PPIL4: variants seen among roughly 807,000 people sequenced by gnomAD.
PPIL4 encodes the protein peptidyl-prolyl cis-trans isomerase-like 4.
A neutral mutation model predicts 69.1 loss-of-function variants in PPIL4; 50 were observed. The ratio of observed to expected loss-of-function variants is 0.72; its 90% CI spans 0.58 to 0.92. The LOEUF is 0.92. PPIL4 is among the 40% of genes least tolerant of loss of function. The pLI is 0.00. For synonymous variants in PPIL4, 193 were observed against 191.6 expected (o/e 1.01, Z -0.06); for missense variants, 480 against 587.9 (o/e 0.82, Z 1.90).
chr6:149,535,823 T>C (rs1012171427), intron 4 of PPIL4, 85 bp from the exon 5 acceptor site: 13 of 935,360 alleles, frequency 1.4e-5, no homozygotes, highest in East Asian at 7.6e-5. Flanking sequence ...AAAAAATACA[T>C]GAAAGTTAAG....
At chr6:149,507,538 TTTCTGTATTGG>T (rs201543229) in intron 12 of PPIL4, among the ~76,000 whole-genome samples, 4,098 of 152,340 alleles carry the variant, frequency 0.027, 160 homozygotes, top group African/African-American at 0.092. Context: ...CTTGTACTTA[TTTCTGTATTGG>T]TTGAGACAAA....
At chr6:149,520,070 T>A (rs1777006772) in intron 10 of PPIL4, among the ~76,000 whole-genome samples, 1 of 152,140 alleles carries the variant, frequency 6.6e-6, no homozygotes, top group Admixed American at 6.5e-5. Flanking sequence ...AGAGTAAAAA[T>A]TTAGAAAACC....
intron 1 of PPIL4, among the ~76,000 whole-genome samples, chr6:149,544,323 C>A (rs1430923763): frequency 6.6e-6 from 1 of 152,178 alleles, no homozygotes; most frequent in Admixed American, 6.5e-5. Context: ...TTTGTTTATG[C>A]CAGTTTGAGT....
chr6:149,534,567 A>T, intron 6 of PPIL4, 111 bp downstream of exon 6: 1 of 596,062 alleles, frequency 1.7e-6, no homozygotes, highest in Non-Finnish European at 2.9e-6. Flanking sequence ...TGTTGAATAT[A>T]ATTAAGCAAG....
chr6:149,531,531 CA>C (rs113611329), intron 7 of PPIL4, among the ~76,000 whole-genome samples: 2,562 of 135,376 alleles, frequency 0.019, 25 homozygotes, highest in Non-Finnish European at 0.029. Flanking sequence ...AACTCCGTCT[CA>C]AAAAAAAAAA....
intron 8 of PPIL4, among the ~76,000 whole-genome samples, chr6:149,526,157 T>G (rs1459390729): frequency 2.0e-5 from 3 of 151,962 alleles, no homozygotes; most frequent in African/African-American, 4.8e-5. Flanking sequence ...AAGGAAACCC[T>G]AAATATAATA....
At chr6:149,538,989 G>A (rs1011828693) in intron 4 of PPIL4, among the ~76,000 whole-genome samples, 7 of 152,126 alleles carry the variant, frequency 4.6e-5, no homozygotes, top group African/African-American at 1.7e-4. Flanking sequence ...TGGGACTACT[G>A]GCGCCTGCCA....
chr6:149,505,523 C>T lies in PPIL4; in HGVS notation c.1409G>A (p.Arg470Lys). Residue 470 changes from arginine (R) to lysine (K), a missense_variant, in exon 13 of 13, where the codon AGG becomes AAG. Arg to Lys is a conservative substitution (Grantham distance 26, BLOSUM62 2). Coordinates refer to ENST00000253329, the MANE Select transcript of PPIL4 (RefSeq NM_139126.4). ...TCTGCTTCGGTCTCTCTTTTTACTC[C>T]TTTCTCTTTCATAAAGATCTGTTTG... ...KYQTDLYERERSKKRDRSRSP... is the reference protein window; with the variant it reads ...KYQTDLYEREKSKKRDRSRSP... 6.2e-7 allele frequency: 1 copy of T among 1,613,840 alleles called. No homozygotes were observed. Among genetic ancestry groups the T allele is most frequent in the Non-Finnish European group, 8.5e-7 (1 of 1,179,882 alleles).
intron 7 of PPIL4, among the ~76,000 whole-genome samples, chr6:149,531,147 T>C (rs939813550): frequency 1.3e-5 from 2 of 152,142 alleles, no homozygotes; most frequent in Admixed American, 6.6e-5. Flanking sequence ...GAGGATCGCC[T>C]GAGGTCGGGA....
At position 149,521,131 on chromosome 6, in the gene PPIL4, A is replaced by G; in HGVS notation, c.911T>C (p.Val304Ala). 6.2e-7 allele frequency: 1 copy of G among 1,606,148 alleles called. No homozygotes were observed. The highest frequency in any genetic ancestry group is 1.1e-5 in the South Asian group (1 of 89,692). ...CEKAFFKMDN[V>A]LIDDRRIHVD... ...ATGTATTCTTCTGTCATCTATAAGC[A>G]CATTGTCCATTTTGAAGAATGCTTT... Residue 304 changes from valine to alanine, a missense_variant, in exon 10 of 13, where the codon GTG becomes GCG. Physicochemically the swap from Val to Ala is moderately conservative, Grantham distance 64. Transcript: ENST00000253329.
chr6:149,529,837 G>C (rs1185699368), intron 7 of PPIL4, among the ~76,000 whole-genome samples: 1 of 150,436 alleles, frequency 6.6e-6, no homozygotes, highest in Middle Eastern at 3.2e-3. Context: ...AGGGAAGAAA[G>C]AAAAAAGGCA....
intron 1 of PPIL4, 33 bp downstream of exon 1, chr6:149,545,903 C>G (rs1455894701): frequency 6.4e-7 from 1 of 1,558,122 alleles, no homozygotes. Context: ...GCTCGGGGGC[C>G]CCGGCGACAG....
intron 11 of PPIL4, among the ~76,000 whole-genome samples, chr6:149,513,380 A>G (rs553160817): frequency 1.1e-5 from 1 of 87,544 alleles, no homozygotes; most frequent in South Asian, 5.2e-4. Context: ...GCGGGGACTC[A>G]GTCTCAAAAA....
In PPIL4 at chr6:149,540,987, G is replaced by A. The variant is rs1456425545; in HGVS notation, c.276C>T (p.Gly92=). ...KVPRIKHKKK[G]TVSMVNNGSD... ...TGCCATTATTCACCATGGACACTGT[G>A]CCTTTCTTCTTGTGCTTAATTCTTG... is the stretch of plus-strand genomic sequence containing the variant. The change falls in exon 4 of 13, where the codon GGC becomes GGT. Residue 92 remains glycine, a synonymous_variant. Transcript: ENST00000253329. 2 of 1,612,588 alleles carry A rather than the reference G, an allele frequency of 1.2e-6. No homozygotes were observed. Among genetic ancestry groups the A allele is most frequent in the East Asian group, 2.2e-5 (1 of 44,792 alleles).
chr6:149,514,667 T>C (rs1227893566), intron 11 of PPIL4, among the ~76,000 whole-genome samples: 1 of 150,922 alleles, frequency 6.6e-6, no homozygotes, highest in Non-Finnish European at 1.5e-5. Flanking sequence ...ATCAATGGGG[T>C]ATAAAATCTA....
At chr6:149,530,658 C>T (rs1335269633) in intron 7 of PPIL4, among the ~76,000 whole-genome samples, 3 of 122,876 alleles carry the variant, frequency 2.4e-5, no homozygotes, top group Non-Finnish European at 3.4e-5. Context: ...GACTCCATCT[C>T]GGAAAAAAAA....
At chr6:149,536,286 C>G (rs1288925218) in intron 4 of PPIL4, among the ~76,000 whole-genome samples, 1 of 152,048 alleles carries the variant, frequency 6.6e-6, no homozygotes, top group Non-Finnish European at 1.5e-5. Context: ...GGCCAATTAA[C>G]CCTACAAGAG....
chr6:149,534,835 T>C, intron 5 of PPIL4, 61 bp from the exon 6 acceptor site: 1 of 1,004,648 alleles, frequency 1.0e-6, no homozygotes, highest in Non-Finnish European at 1.5e-6. Flanking sequence ...TCCTATTTTA[T>C]TTTAATAGAT....
intron 11 of PPIL4, among the ~76,000 whole-genome samples, chr6:149,513,412 A>AAAAAAAT (rs1554215970): frequency 9.0e-5 from 5 of 55,328 alleles, no homozygotes; most frequent in African/African-American, 3.8e-4. Flanking sequence ...AAAAAAAAAA[A>AAAAAAAT]ATATATATAT....
Sources: gnomAD v4.1 joint callset for allele counts (sites outside exome capture counted in the v4.1 genomes callset) on GRCh38, gnomAD v4.1.1 for gene constraint, MANE v1.5 for transcripts, NCBI Gene and HGNC (gene_info 2026-07-23, HGNC 2026-07-21) for gene names.